MYOCD: variants seen among roughly 807,000 people sequenced by gnomAD.
MYOCD encodes the protein myocardin.
Under a neutral mutation model 96.1 loss-of-function variants are expected in MYOCD, and 32 were observed. That is an observed-to-expected ratio of 0.33 (90% confidence interval 0.25 to 0.45). MYOCD has a LOEUF of 0.45. Among genes scored for constraint, MYOCD ranks in the 20% least tolerant of loss-of-function variants. The probability of loss-of-function intolerance (pLI) is 1.00; values close to 1 mark genes in which losing one functional copy is unlikely to be tolerated. For synonymous variants in MYOCD, 469 were observed against 469.0 expected, an observed-to-expected ratio of 1.00 and a Z score of 0.00; for missense variants, 1,133 against 1,200.6, an observed-to-expected ratio of 0.94 and a Z score of 0.83.
intron 1 of MYOCD, among the ~76,000 whole-genome samples, chr17:12,688,034 T>A (rs1016032060): frequency 2.0e-5 from 3 of 152,224 alleles, no homozygotes; most frequent in Non-Finnish European, 4.4e-5. Flanking sequence ...CATGGGCCCA[T>A]GTTGTATACT....
intron 1 of MYOCD, among the ~76,000 whole-genome samples, chr17:12,683,506 CTCTT>C (rs372277365): frequency 3.6e-4 from 55 of 152,196 alleles, no homozygotes; most frequent in African/African-American, 1.2e-3. Flanking sequence ...CTCTCATTCT[CTCTT>C]TCTTATCAGG....
rs781324072 is a variant in MYOCD, at chr17:12,722,945, C to G, written c.352C>G (p.Pro118Ala). Reference sequence around the variant, plus strand: ...TGAAAAAATTGCTCTACGACCAGGGCCACTGGAGCTGGTGGAAAAAAACAT... The same window carrying G: ...TGAAAAAATTGCTCTACGACCAGGGGCACTGGAGCTGGTGGAAAAAAACAT... ...LNEKIALRPG[P>A]LELVEKNILP... Residue 118 changes from proline to alanine, a missense_variant, in exon 5 of 14, where the codon CCA becomes GCA. Physicochemically the swap from Pro to Ala is conservative, Grantham distance 27 (BLOSUM62 -1). Coordinates refer to ENST00000425538, the MANE Select transcript of MYOCD (RefSeq NM_001146312.3). 6.2e-7 allele frequency: 1 copy of G among 1,613,882 alleles called. No homozygotes were observed. The highest frequency in any genetic ancestry group is 8.5e-7 in the Non-Finnish European group (1 of 1,179,960).
In MYOCD at chr17:12,752,614, G is replaced by T. The variant is rs765324346; in HGVS notation, c.1326G>T (p.Leu442=). The change falls in exon 10 of 14, where the codon CTG becomes CTT. Residue 442 remains leucine, a synonymous_variant. Transcript: ENST00000425538. Reference sequence around the variant, plus strand: ...AGTCTTCCTCTTCTACCAGTGCCCTGTCCAACGGCTTCTACCACTTTGGCA... The same window carrying T: ...AGTCTTCCTCTTCTACCAGTGCCCTTTCCAACGGCTTCTACCACTTTGGCA... The part of the protein sequence containing the change: ...NYQSSSSTSA[L]SNGFYHFGST... The T allele has an allele frequency of 6.2e-7, 1 of 1,614,108 alleles. No individual in the cohort carries two copies. Among genetic ancestry groups the T allele is most frequent in the Admixed American group, 1.7e-5 (1 of 60,006 alleles).
intron 1 of MYOCD, among the ~76,000 whole-genome samples, chr17:12,690,168 T>C (rs1252901148): frequency 6.6e-6 from 1 of 151,370 alleles, no homozygotes; most frequent in African/African-American, 2.4e-5. Context: ...CCTAAGTCTA[T>C]AAGGAAAAAA....
chr17:12,741,849 G>A (rs1409083147), intron 7 of MYOCD, among the ~76,000 whole-genome samples: 2 of 151,998 alleles, frequency 1.3e-5, no homozygotes, highest in Non-Finnish European at 2.9e-5. Context: ...CGGCAGGCTG[G>A]TTGTTTGTAG....
chr17:12,701,566 C>T (rs1440520281), intron 1 of MYOCD, among the ~76,000 whole-genome samples: 1 of 151,848 alleles, frequency 6.6e-6, no homozygotes, highest in African/African-American at 2.4e-5. Context: ...TTTATTATTT[C>T]TTATTTCTCC....
intron 11 of MYOCD, among the ~76,000 whole-genome samples, chr17:12,757,212 A>G (rs974325364): frequency 1.3e-5 from 2 of 152,128 alleles, no homozygotes; most frequent in Non-Finnish European, 2.9e-5. Context: ...AGTCAGGGGT[A>G]TGAAGGATCC....
intron 7 of MYOCD, among the ~76,000 whole-genome samples, chr17:12,740,816 G>A (rs2032483840): frequency 6.6e-6 from 1 of 151,806 alleles, no homozygotes; most frequent in Admixed American, 6.6e-5. Context: ...TCAGCTCGTC[G>A]CAACCTCCGC....
chr17:12,732,166 TC>T (rs2032193839), intron 5 of MYOCD, among the ~76,000 whole-genome samples: 1 of 152,148 alleles, frequency 6.6e-6, no homozygotes, highest in Admixed American at 6.5e-5. Context: ...GGGATGTAGT[TC>T]CATGCACTCA....
In MYOCD at chr17:12,752,899, A is replaced by G. The variant is rs749374933; in HGVS notation, c.1611A>G (p.Gln537=). The G allele has an allele frequency of 1.1e-5, 17 of 1,613,996 alleles. No individual in the cohort carries two copies. Among genetic ancestry groups the G allele is most frequent in the Non-Finnish European group, 1.4e-5 (17 of 1,180,034 alleles). Residue 537 remains glutamine (Q), a synonymous_variant, in exon 10 of 14, where the codon CAA becomes CAG. Transcript: ENST00000425538. Reference sequence around the variant, plus strand: ...ATGAACTCACCTGGAAACTCCAGCAAGAGCAGAGGCAGGTGGAGGAGCTGA... The same window carrying G: ...ATGAACTCACCTGGAAACTCCAGCAGGAGCAGAGGCAGGTGGAGGAGCTGA... ...VINELTWKLQ[Q]EQRQVEELRM... is the part of the protein sequence containing the mutation.
intron 1 of MYOCD, among the ~76,000 whole-genome samples, chr17:12,680,093 C>G (rs1433662503): frequency 6.6e-6 from 1 of 152,206 alleles, no homozygotes; most frequent in Non-Finnish European, 1.5e-5. Context: ...CTTAGGCTCT[C>G]AAAAGAACGT....
intron 2 of MYOCD, among the ~76,000 whole-genome samples, chr17:12,710,955 G>C (rs769174764): frequency 3.9e-5 from 6 of 151,988 alleles, no homozygotes; most frequent in Non-Finnish European, 8.8e-5. Context: ...ATTTGTCTTT[G>C]TACCCTCCTT....
At chr17:12,748,185 A>C (rs1242176739) in intron 9 of MYOCD, among the ~76,000 whole-genome samples, 1 of 150,984 alleles carries the variant, frequency 6.6e-6, no homozygotes, top group Non-Finnish European at 1.5e-5. Flanking sequence ...AAAACAAAAA[A>C]ACAAAAAAAC....
At position 12,767,608 on chromosome 17, in the gene MYOCD, TG is replaced by T. The variant is rs1202830233; in HGVS notation, c.*3965del. 1 of 142,826 alleles carries T rather than the reference TG, an allele frequency of 7.0e-6. No homozygotes were observed. Among genetic ancestry groups the T allele is most frequent in the Non-Finnish European group, 1.5e-5 (1 of 65,656 alleles). 8.8% of individuals were successfully genotyped at this position (142,826 alleles called of 1,614,324 possible). A position where few individuals can be genotyped will look rare whatever the true frequency, so the allele number is the denominator to read the frequency against. ...CAAACTAGAAACCTTTCAGCTACGA[TG>T]AAAAAAAAAAAGGGGTCTTCATTTT... On this transcript the variant is annotated 3_prime_UTR_variant, in exon 14 of 14. Transcript: ENST00000425538.
At chr17:12,756,272 G>A (rs1046560631) in intron 10 of MYOCD, 142 bp from the exon 11 acceptor site, 2 of 957,752 alleles carry the variant, frequency 2.1e-6, no homozygotes, top group Admixed American at 4.1e-5. Context: ...CAGATTTTAG[G>A]CAAGTTCATC....
intron 4 of MYOCD, 52 bp from the exon 5 acceptor site, chr17:12,722,795 G>A (rs2031880097): frequency 2.0e-6 from 3 of 1,480,072 alleles, no homozygotes; most frequent in Admixed American, 2.0e-5. Flanking sequence ...AAAAAAGAGA[G>A]AGACAGAGAC....
intron 5 of MYOCD, among the ~76,000 whole-genome samples, chr17:12,727,287 A>G (rs1057177786): frequency 3.3e-5 from 5 of 152,210 alleles, no homozygotes; most frequent in African/African-American, 1.2e-4. Context: ...TCATCTACGC[A>G]TCAGCCTCTT....
chr17:12,697,359 ATTTTTT>A (rs71144918), intron 1 of MYOCD, among the ~76,000 whole-genome samples: 13 of 75,716 alleles, frequency 1.7e-4, no homozygotes, highest in African/African-American at 4.8e-4. Flanking sequence ...ATATATATAT[ATTTTTT>A]TTTTTTTTTT....
intron 4 of MYOCD, among the ~76,000 whole-genome samples, chr17:12,717,708 A>G (rs1352741582): frequency 6.6e-6 from 1 of 152,222 alleles, no homozygotes; most frequent in African/African-American, 2.4e-5. Context: ...TGCATGGAAC[A>G]CGTCCAACAT....
Sources: allele counts gnomAD v4.1 joint callset (sites outside exome capture counted in the v4.1 genomes callset), GRCh38; gene constraint gnomAD v4.1.1; transcripts MANE v1.5; gene names NCBI Gene and HGNC (gene_info 2026-07-23, HGNC 2026-07-21).